TMEM144: variants seen among roughly 807,000 people sequenced by gnomAD.
TMEM144 encodes transmembrane protein 144.
In TMEM144, 39 loss-of-function variants were observed where a neutral mutation model predicts 43.6. The observed-to-expected ratio is 0.90, with a 90% confidence interval of 0.69 to 1.17. TMEM144 has a LOEUF of 1.17. TMEM144 is among the 50% of genes most tolerant of loss of function. The probability of loss-of-function intolerance (pLI) is 0.00; values close to 1 mark genes in which losing one functional copy is unlikely to be tolerated. For synonymous variants in TMEM144, 154 were observed against 133.6 expected (o/e 1.15, Z -1.06); for missense variants, 417 against 411.9 (o/e 1.01, Z -0.11).
chr4:158,233,852 GA>G (rs1358766445), intron 7 of TMEM144: 1 of 152,242 alleles, frequency 6.6e-6, no homozygotes, highest in Non-Finnish European at 1.5e-5. Flanking sequence ...AGTGTAAAGA[GA>G]AGAGGTTTAT....
chr4:158,252,013 T>G (rs1736231340), intron 12 of TMEM144, among the ~76,000 whole-genome samples: 1 of 152,044 alleles, frequency 6.6e-6, no homozygotes, highest in South Asian at 2.1e-4. Context: ...CCATTCCATA[T>G]GAAAAATGGT....
chr4:158,215,246 C>T lies in TMEM144; in HGVS notation c.165C>T (p.Val55=), dbSNP rs1455480799. 6.2e-7 allele frequency: 1 copy of T among 1,613,818 alleles called. No individual in the cohort carries two copies. Among genetic ancestry groups the T allele is most frequent in the Admixed American group, 1.7e-5 (1 of 59,998 alleles). ...CAAIWLVALV[V]NLILHCPKFW... ...CCATATGGTTGGTTGCCTTGGTTGT[C>T]AATCTGATATTACATTGTCCAAAGT... Residue 55 remains valine, a synonymous_variant, in exon 4 of 13, where the codon GTC becomes GTT. Coordinates refer to ENST00000296529, the MANE Select transcript of TMEM144 (RefSeq NM_018342.5).
intron 10 of TMEM144, among the ~76,000 whole-genome samples, chr4:158,241,220 A>G (rs1735620091): frequency 6.6e-6 from 1 of 152,044 alleles, no homozygotes; most frequent in Non-Finnish European, 1.5e-5. Context: ...GTTCGGGTTC[A>G]GTATGTCCCC....
chr4:158,220,039 C>G (rs1579108677), intron 6 of TMEM144, among the ~76,000 whole-genome samples: 1 of 152,232 alleles, frequency 6.6e-6, no homozygotes, highest in African/African-American at 2.4e-5. Context: ...AGTCTTCTTT[C>G]CCCTCTGGAT....
intron 6 of TMEM144, among the ~76,000 whole-genome samples, chr4:158,223,375 G>C (rs888409216): frequency 6.6e-6 from 1 of 152,122 alleles, no homozygotes; most frequent in Non-Finnish European, 1.5e-5. Context: ...TTGGAGGGTT[G>C]TACACCTGTT....
At chr4:158,221,476 T>C (rs1479187926) in intron 6 of TMEM144, among the ~76,000 whole-genome samples, 2 of 152,200 alleles carry the variant, frequency 1.3e-5, no homozygotes, top group East Asian at 1.9e-4. Flanking sequence ...GGAGAGAGTA[T>C]GTAAGGGTGA....
chr4:158,212,817 A>T (rs1397312162), intron 3 of TMEM144, 41 bp downstream of exon 3: 8 of 1,482,606 alleles, frequency 5.4e-6, no homozygotes, highest in Non-Finnish European at 7.5e-6. Flanking sequence ...TATTATTTTT[A>T]AAAATGAAGT....
chr4:158,217,247 T>C (rs1734267613), intron 4 of TMEM144, 74 bp from the exon 5 acceptor site: 1 of 1,082,456 alleles, frequency 9.2e-7, no homozygotes, highest in South Asian at 1.7e-5. Flanking sequence ...GAAGTTAGAA[T>C]AAAAACTAAT....
At chr4:158,249,366 T>C (rs1196185682) in intron 12 of TMEM144, among the ~76,000 whole-genome samples, 1 of 152,210 alleles carries the variant, frequency 6.6e-6, no homozygotes, top group African/African-American at 2.4e-5. Context: ...AATGTATAGG[T>C]CAGTAAGCTA....
intron 7 of TMEM144, chr4:158,235,013 C>T (rs1735269812): frequency 6.5e-6 from 1 of 153,732 alleles, no homozygotes; most frequent in Non-Finnish European, 1.4e-5. Flanking sequence ...AATATTGAAA[C>T]ATGGCTTGGA....
intron 6 of TMEM144, among the ~76,000 whole-genome samples, chr4:158,221,037 G>A (rs893154071): frequency 1.3e-5 from 2 of 152,084 alleles, no homozygotes; most frequent in East Asian, 3.8e-4. Flanking sequence ...GGTTGCATTC[G>A]TTTAGGATAT....
At chr4:158,237,272 C>G in intron 8 of TMEM144, 1 of 362,738 alleles carries the variant, frequency 2.8e-6, no homozygotes, top group Non-Finnish European at 5.0e-6. Flanking sequence ...TAATTATAAT[C>G]CATTTTAATT....
chr4:158,227,914 T>C (rs1175878214), intron 6 of TMEM144, among the ~76,000 whole-genome samples: 1 of 152,206 alleles, frequency 6.6e-6, no homozygotes, highest in Non-Finnish European at 1.5e-5. Context: ...TTTTTCAATG[T>C]ATTTCCTAGT....
intron 12 of TMEM144, among the ~76,000 whole-genome samples, chr4:158,245,745 C>A (rs1456325608): frequency 6.6e-6 from 1 of 151,926 alleles, no homozygotes; most frequent in Admixed American, 6.6e-5. Context: ...GGCAACATAG[C>A]AAAACCGCTA....
chr4:158,233,185 G>A (rs763857807), intron 7 of TMEM144: 28 of 430,864 alleles, frequency 6.5e-5, no homozygotes, highest in Non-Finnish European at 9.6e-5. Flanking sequence ...AAGCACACGG[G>A]TTTATTTATT....
intron 10 of TMEM144, 36 bp from the exon 11 acceptor site, chr4:158,241,473 C>A: frequency 6.6e-7 from 1 of 1,526,092 alleles, no homozygotes; most frequent in Non-Finnish European, 9.1e-7. Context: ...AGGAGGGGAA[C>A]ATGGTCTGCA....
rs78082625 is a variant in TMEM144 at position 158,250,472 on chromosome 4, G to A, written c.955-2972G>A. Reference sequence around the variant, plus strand: ...CACTCTTTGAAGTGAGAATTTCACTGTGGAGCCAGGAGAGCCACGTGTTCC... The same window carrying A: ...CACTCTTTGAAGTGAGAATTTCACTATGGAGCCAGGAGAGCCACGTGTTCC... On this transcript the variant is annotated intron_variant, in intron 12 of 12. Transcript: ENST00000296529. 5.2e-3 allele frequency among the ~76,000 whole-genome samples: 789 copies of A among 152,256 alleles called. 8 individuals are homozygous for A. Among genetic ancestry groups the A allele is most frequent in the African/African-American group, 0.018 (759 of 41,558 alleles).
intron 8 of TMEM144, chr4:158,235,821 C>G (rs566901514): frequency 4.2e-6 from 1 of 240,502 alleles, no homozygotes; most frequent in African/African-American, 2.2e-5. Context: ...AACCTGCTCT[C>G]AGCAGTCATA....
At chr4:158,242,819 A>T (rs1735694944) in intron 11 of TMEM144, among the ~76,000 whole-genome samples, 1 of 152,224 alleles carries the variant, frequency 6.6e-6, no homozygotes, top group South Asian at 2.1e-4. Flanking sequence ...CACCTAACTT[A>T]CATTAGTTTA....
Sources: gnomAD v4.1 joint callset for allele counts (sites outside exome capture counted in the v4.1 genomes callset) on GRCh38, gnomAD v4.1.1 for gene constraint, MANE v1.5 for transcripts, NCBI Gene and HGNC (gene_info 2026-07-23, HGNC 2026-07-21) for gene names.